Variants in ERICH3 observed in about 807,000 individuals in gnomAD.
ERICH3 encodes the protein glutamate-rich protein 3.
ERICH3 carries 126 observed loss-of-function variants against 131.1 expected under a neutral mutation model. The observed-to-expected ratio is 0.96, with a 90% confidence interval of 0.83 to 1.11. The LOEUF (loss-of-function observed/expected upper bound fraction) is 1.11, where lower values mean the gene tolerates loss of function less well. ERICH3 is among the 50% of genes most tolerant of loss of function. The pLI, the probability that ERICH3 is intolerant of heterozygous loss-of-function variation, is 0.00. For missense variants in ERICH3, 2,050 were observed against 1,810.7 expected (o/e 1.13, Z -2.40); for synonymous variants, 695 against 644.6 (o/e 1.08, Z -1.18).
In ERICH3 at chr1:74,646,787, T is replaced by A. The variant is rs959129422; in HGVS notation, c.123A>T (p.Thr41=). Residue 41 remains threonine (T), a synonymous_variant, in exon 3 of 15, where the codon ACA becomes ACT. Transcript: ENST00000326665. ...TTTCAGAAAGTATTCTTCCACTTCT[T>A]GTGATCTGTCATGAATAAATAAAAT... ...RRHLLRSGLI[T]RSGRILSEKE... is the part of the protein sequence containing the mutation. 2 of 1,466,350 alleles carry A rather than the reference T, an allele frequency of 1.4e-6. No homozygotes were observed. The highest frequency in any genetic ancestry group is 2.2e-4 in the Middle Eastern group (1 of 4,528). The allele number at this position is 1,466,350 out of a possible 1,614,324, so 90.8% of individuals were successfully genotyped here. A position where few individuals can be genotyped will look rare whatever the true frequency, so the allele number is the denominator to read the frequency against.
chr1:74,672,974 C>G (rs1161143678), intron 1 of ERICH3, among the ~76,000 whole-genome samples: 1 of 151,946 alleles, frequency 6.6e-6, no homozygotes. Flanking sequence ...TTTTAAAGAC[C>G]CTTATGGTCC....
chr1:74,653,090 C>G (rs180757279), intron 1 of ERICH3, among the ~76,000 whole-genome samples: 64 of 152,190 alleles, frequency 4.2e-4, no homozygotes, highest in African/African-American at 1.5e-3. Context: ...TCTAACCCTG[C>G]CTCCCACCAT....
chr1:74,646,853 C>CA, intron 2 of ERICH3, 61 bp from the exon 3 acceptor site: 1 of 814,580 alleles, frequency 1.2e-6, no homozygotes, highest in Non-Finnish European at 1.7e-6. Context: ...TGTTAGTTTC[C>CA]AAAAAAGGGA....
rs1570789101 is a variant in ERICH3, at chr1:74,572,378, G to A, written c.3332C>T (p.Ala1111Val). ...EEGETETEVR[A>V]EEETKAPPNE... ...TGGGGGAGCTTTTGTCTCTTCCTCAGCTCTTACTTCTGTCTCTGTTTCCCC... is the reference window on the plus strand; with the variant it reads ...TGGGGGAGCTTTTGTCTCTTCCTCAACTCTTACTTCTGTCTCTGTTTCCCC... The change falls in exon 14 of 15, where the codon GCT (alanine) becomes GTT (valine). Residue 1111 changes from alanine (A) to valine (V), a missense_variant. By Grantham distance (64) the Ala-to-Val change is moderately conservative. Coordinates refer to ENST00000326665, the MANE Select transcript of ERICH3 (RefSeq NM_001002912.5). 6.2e-7 allele frequency: 1 copy of A among 1,613,664 alleles called. No homozygotes were observed. The highest frequency in any genetic ancestry group is 2.2e-5 in the East Asian group (1 of 44,874).
chr1:74,655,042 A>G (rs946799335), intron 1 of ERICH3, among the ~76,000 whole-genome samples: 1 of 152,192 alleles, frequency 6.6e-6, no homozygotes, highest in African/African-American at 2.4e-5. Context: ...ATTAACAAAT[A>G]CATAACTTTC....
intron 5 of ERICH3, among the ~76,000 whole-genome samples, chr1:74,637,610 G>A (rs1368446253): frequency 1.3e-5 from 2 of 152,102 alleles, no homozygotes; most frequent in East Asian, 3.9e-4. Flanking sequence ...AAAGAATATT[G>A]TTAGTTTAGT....
chr1:74,602,280 G>A (rs565158935), intron 10 of ERICH3, among the ~76,000 whole-genome samples: 1 of 152,012 alleles, frequency 6.6e-6, no homozygotes, highest in East Asian at 1.9e-4. Context: ...TCACATTTAA[G>A]TATTAGCTTT....
Position 74,573,505 on chromosome 1 carries a change from G to A in ERICH3, c.2219-14C>T. The stretch of plus-strand genomic sequence containing the variant: ...TCATTGTTGGTGCTATAAAAATAAG[G>A]TTAGAAATCAAGATTACTTTAATCC... On this transcript the variant is annotated splice_polypyrimidine_tract_variant and intron_variant, in intron 13 of 14. Transcript: ENST00000326665. 6.7e-7 allele frequency: 1 copy of A among 1,493,316 alleles called. No individual in the cohort carries two copies. Among genetic ancestry groups the A allele is most frequent in the Non-Finnish European group, 8.9e-7 (1 of 1,125,582 alleles). The allele number at this position is 1,493,316 out of a possible 1,614,324, so 92.5% of individuals were successfully genotyped here. A position where few individuals can be genotyped will look rare whatever the true frequency, so the allele number is the denominator to read the frequency against.
intron 7 of ERICH3, among the ~76,000 whole-genome samples, chr1:74,630,060 T>C (rs192537929): frequency 1.3e-3 from 198 of 152,338 alleles, no homozygotes; most frequent in African/African-American, 4.5e-3. Flanking sequence ...TTCTTATGGC[T>C]TGTGAGACAT....
rs917673682 is a variant in ERICH3, at chr1:74,569,063, T to C, written c.*1395A>G. On this transcript the variant is annotated 3_prime_UTR_variant, in exon 15 of 15. Transcript: ENST00000326665. ...ATTACACATTAAAATGGAAAATACC[T>C]ACTATGATAATATGCCTGGTCCCTA... 1 of 152,218 alleles carries C rather than the reference T, an allele frequency of 6.6e-6. No individual in the cohort carries two copies. The highest frequency in any genetic ancestry group is 1.5e-5 in the Non-Finnish European group (1 of 68,028). The allele number at this position is 152,218 out of a possible 1,614,324, so 9.4% of individuals were successfully genotyped here. A position where few individuals can be genotyped will look rare whatever the true frequency, so the allele number is the denominator to read the frequency against.
At chr1:74,641,102 A>G (rs1019357972) in intron 5 of ERICH3, among the ~76,000 whole-genome samples, 3 of 152,134 alleles carry the variant, frequency 2.0e-5, no homozygotes. Flanking sequence ...CTGGACTTCC[A>G]GAAAACTAAT....
At chr1:74,588,547 T>C (rs1465442506) in intron 12 of ERICH3, among the ~76,000 whole-genome samples, 2 of 152,208 alleles carry the variant, frequency 1.3e-5, no homozygotes, top group Non-Finnish European at 2.9e-5. Context: ...AAAGCATTCA[T>C]ATGCTTTTAA....
At position 74,572,103 on chromosome 1, in the gene ERICH3, C is replaced by A. The variant is rs1420671718; in HGVS notation, c.3607G>T (p.Ala1203Ser). The stretch of plus-strand genomic sequence containing the variant: ...TCTTGGCGGTGCCCTTCCTTCAGGG[C>A]CCTATTCTCCCTGCTGGACAGCTCT... ...REELSSRENR[A>S]LKEGHRQDGE... Residue 1203 changes from alanine to serine, a missense_variant, in exon 14 of 15, where the codon GCC becomes TCC. Coordinates refer to ENST00000326665, the MANE Select transcript of ERICH3 (RefSeq NM_001002912.5). 6.2e-7 allele frequency: 1 copy of A among 1,614,226 alleles called. No homozygotes were observed. The highest frequency in any genetic ancestry group is 1.1e-5 in the South Asian group (1 of 91,084).
At chr1:74,598,531 C>CA (rs1647963469) in intron 11 of ERICH3, among the ~76,000 whole-genome samples, 1 of 151,638 alleles carries the variant, frequency 6.6e-6, no homozygotes, top group South Asian at 2.1e-4. Flanking sequence ...TGAATGAAAG[C>CA]ATGACAGCAT....
Position 74,637,912 on chromosome 1 carries a change from GA to G in ERICH3, c.445-1475del, listed in dbSNP as rs112478484. On this transcript the variant is annotated intron_variant, in intron 5 of 14. Transcript: ENST00000326665. ...GGCCACAGAGTGGGATGCTGTCTCA[GA>G]AAAAAAAAAAAGATTAGCAATGTGT... Among the ~76,000 whole-genome samples, 640 of 136,378 alleles carry G rather than the reference GA, an allele frequency of 4.7e-3. 3 individuals are homozygous for G. The highest frequency in any genetic ancestry group is 0.016 in the African/African-American group (573 of 36,658). 89.5% of individuals were successfully genotyped at this position (136,378 alleles called of 152,430 possible). A position where few individuals can be genotyped will look rare whatever the true frequency, so the allele number is the denominator to read the frequency against.
intron 1 of ERICH3, among the ~76,000 whole-genome samples, chr1:74,666,338 C>T (rs961985695): frequency 6.6e-6 from 1 of 152,150 alleles, no homozygotes; most frequent in African/African-American, 2.4e-5. Flanking sequence ...TATATATCTA[C>T]ACTCTTCAAT....
chr1:74,660,615 AG>A (rs1454570361), intron 1 of ERICH3, among the ~76,000 whole-genome samples: 76 of 140,448 alleles, frequency 5.4e-4, no homozygotes, highest in South Asian at 1.3e-3. Flanking sequence ...ATATATATAT[AG>A]TGTGTATATA....
Position 74,572,058 on chromosome 1 carries a change from C to T in ERICH3, c.3652G>A (p.Ala1218Thr), listed in dbSNP as rs1393867464. 4 of 1,614,110 alleles carry T rather than the reference C, an allele frequency of 2.5e-6. No individual in the cohort carries two copies. The highest frequency in any genetic ancestry group is 1.7e-5 in the Admixed American group (1 of 60,016). Residue 1218 changes from alanine to threonine, a missense_variant, in exon 14 of 15, where the codon GCT (alanine) becomes ACT (threonine). Physicochemically the swap from Ala to Thr is moderately conservative, Grantham distance 58. Coordinates refer to ENST00000326665, the MANE Select transcript of ERICH3 (RefSeq NM_001002912.5). The part of the protein sequence containing the change: ...HRQDGEGALA[A>T]PEAEPAGKVQ... Reference sequence around the variant, plus strand: ...TTTCCTGCTGGCTCAGCTTCAGGAGCTGCTAAGGCCCCCTCTCCATCTTGG... The same window carrying T: ...TTTCCTGCTGGCTCAGCTTCAGGAGTTGCTAAGGCCCCCTCTCCATCTTGG...
intron 4 of ERICH3, 46 bp from the exon 5 acceptor site, chr1:74,641,505 C>G (rs200891184): frequency 1.1e-5 from 18 of 1,588,130 alleles, no homozygotes; most frequent in Non-Finnish European, 1.5e-5. Flanking sequence ...AGTTAGTAAT[C>G]TAGGTTAGAT....
Sources: gnomAD v4.1 joint callset for allele counts (sites outside exome capture counted in the v4.1 genomes callset) on GRCh38, gnomAD v4.1.1 for gene constraint, MANE v1.5 for transcripts, NCBI Gene and HGNC (gene_info 2026-07-23, HGNC 2026-07-21) for gene names.